Variants in SATB1 observed in about 807,000 individuals in gnomAD.
SATB1 encodes the protein DNA-binding protein SATB1.
Under a neutral mutation model 86.9 loss-of-function variants are expected in SATB1, and 11 were observed. The observed-to-expected ratio is 0.13, with a 90% CI of 0.08 to 0.21. SATB1 has a LOEUF of 0.21. SATB1 is among the 10% of genes least tolerant of loss of function. SATB1 has a pLI of 1.00. For missense variants in SATB1, 551 were observed against 937.6 expected (o/e 0.59, Z 5.39); for synonymous variants, 357 against 357.2 (o/e 1.00, Z 0.01).
chr3:18,372,149 G>A (rs1307462494), intron 9 of SATB1, among the ~76,000 whole-genome samples: 1 of 152,186 alleles, frequency 6.6e-6, no homozygotes, highest in Non-Finnish European at 1.5e-5. Flanking sequence ...CCGTGCTTCA[G>A]AACATATATG....
intron 2 of SATB1, 53 bp downstream of exon 2, chr3:18,420,704 T>C (rs1457215067): frequency 3.8e-5 from 55 of 1,465,460 alleles, no homozygotes; most frequent in Non-Finnish European, 5.7e-6. Flanking sequence ...AGTGTGGCCT[T>C]GTGTAGACAA....
At position 18,421,008 on chromosome 3, in the gene SATB1, A is replaced by G. The variant is rs1698369908; in HGVS notation, c.-24-17T>C. 2 of 1,593,722 alleles carry G rather than the reference A, an allele frequency of 1.3e-6. No individual in the cohort carries two copies. The highest frequency in any genetic ancestry group is 1.3e-5 in the African/African-American group (1 of 74,632). The stretch of plus-strand genomic sequence containing the variant: ...AAAGATCACCTGCCAGAATTTAAAA[A>G]GAAGACACGTTATAGTTGGGCGGGG... On this transcript the variant is annotated splice_polypyrimidine_tract_variant and intron_variant, in intron 1 of 10. Coordinates refer to ENST00000338745, the MANE Select transcript of SATB1 (RefSeq NM_002971.6).
chr3:18,439,012 TA>T (rs1403068780), upstream of SATB1, among the ~76,000 whole-genome samples: 1 of 152,164 alleles, frequency 6.6e-6, no homozygotes, highest in African/African-American at 2.4e-5. Context: ...AGGAGTGTAA[TA>T]AAATATTGCA....
chr3:18,431,691 C>G (rs1418147462), intron 2 of SATB1, among the ~76,000 whole-genome samples: 1 of 152,152 alleles, frequency 6.6e-6, no homozygotes, highest in Non-Finnish European at 1.5e-5. Context: ...TGGTTTTTAA[C>G]TCACTCCTGG....
At chr3:18,366,455 A>G (rs142765339) in intron 9 of SATB1, among the ~76,000 whole-genome samples, 633 of 152,114 alleles carry the variant, frequency 4.2e-3, no homozygotes, top group Non-Finnish European at 5.4e-3. Flanking sequence ...CAATCAATCA[A>G]TCAATCAATC....
intron 2 of SATB1, among the ~76,000 whole-genome samples, chr3:18,419,196 T>C (rs1294682256): frequency 2.6e-5 from 4 of 152,164 alleles, no homozygotes; most frequent in African/African-American, 9.7e-5. Flanking sequence ...ACAGACCTTC[T>C]AGCAAACTGT....
intron 8 of SATB1, among the ~76,000 whole-genome samples, chr3:18,383,777 G>A (rs892714219): frequency 2.0e-5 from 3 of 151,898 alleles, no homozygotes; most frequent in Non-Finnish European, 4.4e-5. Context: ...GCTCTATAAC[G>A]TGTTTTTCCA....
At chr3:18,427,164 G>A (rs1411048972), upstream of SATB1, among the ~76,000 whole-genome samples, 2 of 152,150 alleles carry the variant, frequency 1.3e-5, no homozygotes, top group Non-Finnish European at 2.9e-5. Context: ...AAAATGTGGG[G>A]AAATCTGAAG....
chr3:18,411,666 C>G (rs1376164876), intron 5 of SATB1, among the ~76,000 whole-genome samples: 4 of 151,924 alleles, frequency 2.6e-5, no homozygotes, highest in African/African-American at 9.7e-5. Context: ...GTTCAGAATG[C>G]ACCATCCAAC....
intron 9 of SATB1, among the ~76,000 whole-genome samples, chr3:18,373,086 C>T (rs1224139207): frequency 1.3e-5 from 2 of 152,172 alleles, no homozygotes; most frequent in Non-Finnish European, 1.5e-5. Context: ...GAGACAGAAG[C>T]TGTATCCCCC....
intron 2 of SATB1, 170 bp downstream of exon 2, chr3:18,420,587 C>T: frequency 1.6e-6 from 1 of 625,054 alleles, no homozygotes; most frequent in Non-Finnish European, 2.9e-6. Flanking sequence ...GGAGGCTATA[C>T]TTTCCAACGT....
intron 5 of SATB1, among the ~76,000 whole-genome samples, chr3:18,406,416 G>C (rs887427755): frequency 4.0e-5 from 6 of 151,892 alleles, no homozygotes; most frequent in African/African-American, 1.5e-4. Flanking sequence ...TTGAATATGA[G>C]AAGAAAATAA....
chr3:18,414,224 G>C (rs1003774844), intron 5 of SATB1, among the ~76,000 whole-genome samples: 6 of 152,040 alleles, frequency 3.9e-5, no homozygotes, highest in African/African-American at 1.4e-4. Flanking sequence ...CTTAAAACGG[G>C]TTTGGGTACT....
At chr3:18,445,288 A>AGTC (rs1203867930) in intron 1 of SATB1, 1 of 981,652 alleles carries the variant, frequency 1.0e-6, no homozygotes, top group Non-Finnish European at 1.2e-6. Context: ...GCCGAGCCCG[A>AGTC]GCCGCCGCCG....
At chr3:18,354,507 A>G (rs1336314092) in intron 9 of SATB1, among the ~76,000 whole-genome samples, 1 of 152,182 alleles carries the variant, frequency 6.6e-6, no homozygotes, top group Non-Finnish European at 1.5e-5. Context: ...CTAGCATTCT[A>G]CTATTGCAAT....
At position 18,415,879 on chromosome 3, in the gene SATB1, A is replaced by ATCGATCTGTAT. The variant is rs1314792642; in HGVS notation, c.515+117_515+127dup. On this transcript the variant is annotated intron_variant, in intron 4 of 10. Coordinates refer to ENST00000338745, the MANE Select transcript of SATB1 (RefSeq NM_002971.6). ...AAAGGCAGAAGGATAGGGTAACAAA[A>ATCGATCTGTAT]TCGATCTGTATTAACCTTTCTGAAA... 55 of 740,604 alleles carry ATCGATCTGTAT rather than the reference A, an allele frequency of 7.4e-5. No individual in the cohort carries two copies. In the African/African-American group the frequency reaches 9.4e-4, roughly 13 times the overall value. The allele number at this position is 740,604 out of a possible 1,614,324, so 45.9% of individuals were successfully genotyped here. A position where few individuals can be genotyped will look rare whatever the true frequency, so the allele number is the denominator to read the frequency against.
intron 5 of SATB1, among the ~76,000 whole-genome samples, chr3:18,399,630 T>C (rs1315492864): frequency 6.6e-6 from 1 of 152,144 alleles, no homozygotes; most frequent in Non-Finnish European, 1.5e-5. Flanking sequence ...TAACCCTAAA[T>C]TGGTAGGTTC....
At chr3:18,415,303 G>C (rs1575162552) in intron 4 of SATB1, 69 bp from the exon 5 acceptor site, 6 of 1,572,154 alleles carry the variant, frequency 3.8e-6, no homozygotes, top group Non-Finnish European at 5.2e-6. Flanking sequence ...ATTCCTTTAA[G>C]ACAGACAGAT....
upstream of SATB1, among the ~76,000 whole-genome samples, chr3:18,439,645 T>TTA (rs1239622680): frequency 6.6e-6 from 1 of 152,150 alleles, no homozygotes; most frequent in Non-Finnish European, 1.5e-5. Context: ...CAGATTTGAT[T>TTA]TATATGTTGT....
Sources: allele counts gnomAD v4.1 joint callset (sites outside exome capture counted in the v4.1 genomes callset), GRCh38; gene constraint gnomAD v4.1.1; transcripts MANE v1.5; gene names NCBI Gene and HGNC (gene_info 2026-07-23, HGNC 2026-07-21).